The following RELN variants were observed in gnomAD, a reference collection of about 807,000 sequenced individuals.
The protein encoded by RELN is reelin.
Under a neutral mutation model 427.6 loss-of-function variants are expected in RELN, and 108 were observed. The observed-to-expected ratio is 0.25, with a 90% CI of 0.22 to 0.30. The LOEUF (loss-of-function observed/expected upper bound fraction) is 0.30. RELN is among the 10% of genes least tolerant of loss of function. The probability of loss-of-function intolerance (pLI) is 1.00; values close to 1 mark genes in which losing one functional copy is unlikely to be tolerated. For missense variants in RELN, 3,715 were observed against 4,302.8 expected (o/e 0.86, Z 3.82); for synonymous variants, 1,524 against 1,513.4 (o/e 1.01, Z -0.16).
In RELN at chr7:103,522,018, T is replaced by C. The variant is rs1225803393; in HGVS notation, c.7668+4A>G. 6.2e-7 allele frequency: 1 copy of C among 1,613,898 alleles called. No homozygotes were observed. The highest frequency in any genetic ancestry group is 8.5e-7 in the Non-Finnish European group (1 of 1,179,938). ...AAATGAGTAACCAGCAGCCAAACAC[T>C]CACCCCACTGAAATGGAGAGCCATT... On this transcript the variant is annotated splice_donor_region_variant and intron_variant, in intron 48 of 64. Coordinates refer to ENST00000428762, the MANE Select transcript of RELN (RefSeq NM_005045.4).
In RELN at chr7:103,618,714, G is replaced by A. The variant is rs574578304; in HGVS notation, c.2703-6911C>T. On this transcript the variant is annotated intron_variant, in intron 20 of 64. Transcript: ENST00000428762. ...TTCCCATTCCCATTCTCTCAGTTTG[G>A]AAATTTACACATAAGTTATTCAATT... Among the ~76,000 whole-genome samples, 3 of 152,150 alleles carry A rather than the reference G, an allele frequency of 2.0e-5. No homozygotes were observed. In the East Asian group the frequency reaches 5.8e-4, roughly 29 times the overall value.
At chr7:103,898,041 G>A (rs1794999902) in intron 2 of RELN, among the ~76,000 whole-genome samples, 1 of 151,994 alleles carries the variant, frequency 6.6e-6, no homozygotes, top group Non-Finnish European at 1.5e-5. Flanking sequence ...TTTATTAACT[G>A]ACTCAATGCT....
chr7:103,513,006 A>T (rs1829465929), intron 50 of RELN: 1 of 152,248 alleles, frequency 6.6e-6, no homozygotes, highest in South Asian at 2.1e-4. Flanking sequence ...TAGTTACTGC[A>T]ATTCCATTAT....
Position 103,720,438 on chromosome 7 carries a change from A to G in RELN, c.805+2702T>C, listed in dbSNP as rs117330609. 3.6e-3 allele frequency among the ~76,000 whole-genome samples: 541 copies of G among 152,238 alleles called. 2 individuals carry two copies. Among genetic ancestry groups the G allele is most frequent in the South Asian group, 7.3e-3 (35 of 4,822 alleles). ...CATAATTGACCACTTAGGTTATAAT[A>G]ATAGAATTCCCTAGAAAACTGCTTG... On this transcript the variant is annotated intron_variant, in intron 8 of 64. Coordinates refer to ENST00000428762, the MANE Select transcript of RELN (RefSeq NM_005045.4).
At chr7:103,517,677 C>T (rs1490512492) in intron 49 of RELN, among the ~76,000 whole-genome samples, 1 of 152,124 alleles carries the variant, frequency 6.6e-6, no homozygotes, top group Non-Finnish European at 1.5e-5. Context: ...GCACAGGGTA[C>T]TCTGTACCAC....
intron 8 of RELN, among the ~76,000 whole-genome samples, chr7:103,719,835 G>T (rs1265872286): frequency 4.6e-5 from 7 of 152,194 alleles, no homozygotes; most frequent in Non-Finnish European, 1.0e-4. Flanking sequence ...GCAAATCGAT[G>T]TCTCAGCACA....
chr7:103,877,854 C>T (rs1368401175), intron 2 of RELN, among the ~76,000 whole-genome samples: 1 of 129,856 alleles, frequency 7.7e-6, no homozygotes, highest in South Asian at 2.8e-4. Flanking sequence ...CTGTCTCTCC[C>T]TGCCTTTTTT....
At chr7:103,739,037 A>G (rs665251) in intron 6 of RELN, among the ~76,000 whole-genome samples, 1 of 152,070 alleles carries the variant, frequency 6.6e-6, no homozygotes, top group Admixed American at 6.5e-5. Context: ...GTTGCGACTG[A>G]CAATAATTCA....
At chr7:103,772,542 A>T (rs1270970852) in intron 4 of RELN, among the ~76,000 whole-genome samples, 1 of 152,140 alleles carries the variant, frequency 6.6e-6, no homozygotes, top group East Asian at 1.9e-4. Context: ...CTGTAGAGAG[A>T]GTTATGTATG....
chr7:103,695,669 C>G (rs1833963951), intron 10 of RELN, among the ~76,000 whole-genome samples: 1 of 152,042 alleles, frequency 6.6e-6, no homozygotes, highest in Non-Finnish European at 1.5e-5. Flanking sequence ...GTACTCAGAC[C>G]AAATGATAAA....
Position 103,675,500 on chromosome 7 carries a change from C to A in RELN, c.1289+6616G>T, listed in dbSNP as rs145662696. Among the ~76,000 whole-genome samples, 1,333 of 152,302 alleles carry A rather than the reference C, an allele frequency of 8.8e-3. 10 individuals are homozygous for A. Among genetic ancestry groups the A allele is most frequent in the Non-Finnish European group, 0.013 (892 of 68,030 alleles). On this transcript the variant is annotated intron_variant, in intron 11 of 64. Transcript: ENST00000428762. ...TAGATTCAATGCCACCCCCATCAAG[C>A]TACCAATGACTTTCTTCACAGAATT...
intron 2 of RELN, among the ~76,000 whole-genome samples, chr7:103,884,042 C>T (rs1392756074): frequency 6.6e-6 from 1 of 151,984 alleles, no homozygotes; most frequent in Non-Finnish European, 1.5e-5. Context: ...TACTACAGGG[C>T]TACGGTAACA....
At chr7:103,789,512 C>T (rs564423842) in intron 3 of RELN, among the ~76,000 whole-genome samples, 17 of 152,104 alleles carry the variant, frequency 1.1e-4, no homozygotes, top group Admixed American at 7.9e-4. Flanking sequence ...CCCATCAAAA[C>T]GTGAGTGAAG....
intron 2 of RELN, among the ~76,000 whole-genome samples, chr7:103,844,974 C>T (rs1188610589): frequency 6.6e-6 from 1 of 152,088 alleles, no homozygotes; most frequent in Non-Finnish European, 1.5e-5. Context: ...CAATGATAAC[C>T]CTTGTCTAAC....
rs1174937000 is a variant in RELN at position 103,968,955 on chromosome 7, C to T, written c.226+20176G>A. ...AAAAGAAATGACCTATTTAACTTGA[C>T]ATTTTATAGGTTTCAATACCTCTCT... On this transcript the variant is annotated intron_variant, in intron 1 of 64. Coordinates refer to ENST00000428762, the MANE Select transcript of RELN (RefSeq NM_005045.4). This position sits in a 1 kb window ranked among gnomAD's most constrained non-coding sequence, Gnocchi z 4.3. Among the ~76,000 whole-genome samples, 1 of 152,106 alleles carries T rather than the reference C, an allele frequency of 6.6e-6. No individual in the cohort carries two copies. Among genetic ancestry groups the T allele is most frequent in the Non-Finnish European group, 1.5e-5 (1 of 68,002 alleles).
intron 46 of RELN, among the ~76,000 whole-genome samples, chr7:103,531,170 T>C (rs1325433043): frequency 6.6e-6 from 1 of 152,228 alleles, no homozygotes; most frequent in Non-Finnish European, 1.5e-5. Flanking sequence ...CATGCACATT[T>C]ATGAGATTTT....
intron 40 of RELN, among the ~76,000 whole-genome samples, chr7:103,552,774 A>G (rs575361481): frequency 3.9e-4 from 59 of 152,258 alleles, no homozygotes; most frequent in Admixed American, 9.2e-4. Flanking sequence ...TCCTGGGATT[A>G]CAGGTGTAAG....
intron 61 of RELN, among the ~76,000 whole-genome samples, chr7:103,485,054 A>T (rs1024927895): frequency 6.6e-6 from 1 of 152,168 alleles, no homozygotes; most frequent in Non-Finnish European, 1.5e-5. Flanking sequence ...TTAACAGAGT[A>T]CCTAATTTAA....
At chr7:103,919,778 A>C (rs1157334369) in intron 1 of RELN, among the ~76,000 whole-genome samples, 1 of 152,208 alleles carries the variant, frequency 6.6e-6, no homozygotes, top group East Asian at 1.9e-4. Flanking sequence ...GGTGCCATCC[A>C]GGCAATTGGA....
Sources: gnomAD v4.1 joint callset for allele counts (sites outside exome capture counted in the v4.1 genomes callset) on GRCh38, gnomAD v4.1.1 for gene constraint, Gnocchi (gnomAD v3.1) non-coding constraint, MANE v1.5 for transcripts, NCBI Gene and HGNC (gene_info 2026-07-23, HGNC 2026-07-21) for gene names.